CD28: variants seen among roughly 807,000 people sequenced by gnomAD.
CD28 encodes T-cell-specific surface glycoprotein CD28.
A neutral mutation model predicts 21.4 loss-of-function variants in CD28; 8 were observed. That is an observed-to-expected ratio of 0.37 (90% CI 0.22 to 0.68). The LOEUF is 0.68. Ranked by LOEUF, CD28 falls within the 30% of genes least tolerant of loss-of-function variation. The probability of loss-of-function intolerance (pLI) is 0.55; values close to 1 mark genes in which losing one functional copy is unlikely to be tolerated. For missense variants in CD28, 239 were observed against 272.2 expected (o/e 0.88, Z 0.86); for synonymous variants, 106 against 104.0 (o/e 1.02, Z -0.12).
chr2:203,717,996 C>T (rs1693505610), intron 1 of CD28, among the ~76,000 whole-genome samples: 1 of 152,092 alleles, frequency 6.6e-6, no homozygotes, highest in Non-Finnish European at 1.5e-5. Context: ...TTCATTTTAA[C>T]ATGAATTTCT....
intron 1 of CD28, among the ~76,000 whole-genome samples, chr2:203,722,654 A>G (rs1693632710): frequency 6.6e-6 from 1 of 152,244 alleles, no homozygotes; most frequent in Admixed American, 6.5e-5. Context: ...AGGGAAATGC[A>G]CATGAATCCA....
At chr2:203,724,941 G>T (rs975935319) in intron 1 of CD28, among the ~76,000 whole-genome samples, 1 of 152,120 alleles carries the variant, frequency 6.6e-6, no homozygotes, top group Non-Finnish European at 1.5e-5. Flanking sequence ...GCAAAAAAAT[G>T]CTTTTGTTTG....
intron 3 of CD28, 88 bp from the exon 4 acceptor site, chr2:203,734,696 C>T: frequency 6.7e-7 from 1 of 1,494,036 alleles, no homozygotes. Context: ...TGTCATTTGA[C>T]AGTTAATATT....
rs1038569107 is a variant in CD28, at chr2:203,736,833, T to C, written c.*1921T>C. The C allele has an allele frequency of 6.6e-6, 1 of 152,246 alleles. No homozygotes were observed. The highest frequency in any genetic ancestry group is 2.4e-5 in the African/African-American group (1 of 41,468). 9.4% of individuals were successfully genotyped at this position (152,246 alleles called of 1,614,324 possible). A position where few individuals can be genotyped will look rare whatever the true frequency, so the allele number is the denominator to read the frequency against. On this transcript the variant is annotated 3_prime_UTR_variant, in exon 4 of 4. Coordinates refer to ENST00000324106, the MANE Select transcript of CD28 (RefSeq NM_006139.4). ...GTCTCTTCCTATAGTATAATCTCCA[T>C]AAGGGCATGGCCCAAGTCTGTCTTT...
At chr2:203,733,013 T>C (rs1327593575) in intron 3 of CD28, among the ~76,000 whole-genome samples, 2 of 152,186 alleles carry the variant, frequency 1.3e-5, no homozygotes, top group Non-Finnish European at 2.9e-5. Context: ...GGCTGACACT[T>C]GGAGGTTTGG....
intron 1 of CD28, among the ~76,000 whole-genome samples, chr2:203,715,579 G>T (rs561093350): frequency 8.5e-5 from 13 of 152,150 alleles, no homozygotes; most frequent in African/African-American, 3.1e-4. Flanking sequence ...GGTAGGGATG[G>T]GTTACAGCAC....
At position 203,736,762 on chromosome 2, in the gene CD28, A is replaced by C. The variant is rs1694046822; in HGVS notation, c.*1850A>C. ...GCCTCAGGCAAGTCACTGCCCACCT[A>C]AGATGATGGTTCTTCAACTATAAAA... On this transcript the variant is annotated 3_prime_UTR_variant, in exon 4 of 4. Transcript: ENST00000324106. The C allele has an allele frequency of 6.6e-6, 1 of 152,204 alleles. No homozygotes were observed. Among genetic ancestry groups the C allele is most frequent in the East Asian group, 1.9e-4 (1 of 5,194 alleles). The allele number at this position is 152,204 out of a possible 1,614,324, so 9.4% of individuals were successfully genotyped here.
chr2:203,720,631 T>G (rs1693582511), intron 1 of CD28, among the ~76,000 whole-genome samples: 1 of 152,218 alleles, frequency 6.6e-6, no homozygotes, highest in Non-Finnish European at 1.5e-5. Flanking sequence ...ATTTGTAATA[T>G]GTCCTTACAT....
At chr2:203,712,019 C>T (rs1411229512) in intron 1 of CD28, among the ~76,000 whole-genome samples, 2 of 151,984 alleles carry the variant, frequency 1.3e-5, no homozygotes, top group African/African-American at 4.8e-5. Context: ...TGGTGAAACC[C>T]CATCTCTACT....
At position 203,734,853 on chromosome 2, in the gene CD28, A is replaced by G; in HGVS notation, c.604A>G (p.Thr202Ala). The G allele has an allele frequency of 1.9e-6, 3 of 1,614,052 alleles. No individual in the cohort carries two copies. The highest frequency in any genetic ancestry group is 2.5e-6 in the Non-Finnish European group (3 of 1,180,020). ...CATGACTCCCCGCCGCCCCGGGCCC[A>G]CCCGCAAGCATTACCAGCCCTATGC... Reference protein sequence around the residue: ...MNMTPRRPGPTRKHYQPYAPP... With the variant: ...MNMTPRRPGPARKHYQPYAPP... The change falls in exon 4 of 4, where the codon ACC becomes GCC. Residue 202 changes from threonine to alanine, a missense_variant. Transcript: ENST00000324106.
At chr2:203,729,870 T>C (rs770988974) in intron 3 of CD28, 98 bp downstream of exon 3, 112 of 1,214,046 alleles carry the variant, frequency 9.2e-5, no homozygotes, top group Non-Finnish European at 1.3e-4. Context: ...TTCTGTTTAA[T>C]ATAGGATGAT....
chr2:203,711,766 G>A (rs965062744), intron 1 of CD28, among the ~76,000 whole-genome samples: 18 of 152,086 alleles, frequency 1.2e-4, no homozygotes, highest in Admixed American at 1.0e-3. Context: ...CCACCTCCTC[G>A]AAGAAGCTTC....
rs1694002236 is a variant in CD28 at position 203,735,268 on chromosome 2, G to A, written c.*356G>A. 4.5e-6 allele frequency: 1 copy of A among 223,838 alleles called. No individual in the cohort carries two copies. The highest frequency in any genetic ancestry group is 5.3e-5 in the Admixed American group (1 of 18,718). 13.9% of individuals were successfully genotyped at this position (223,838 alleles called of 1,614,324 possible). A position where few individuals can be genotyped will look rare whatever the true frequency, so the allele number is the denominator to read the frequency against. ...GCACATCTCAGTCAAGCAAAGTGTGGTATCCACAGACATTTTAGTTGCAGA... is the reference window on the plus strand; with the variant it reads ...GCACATCTCAGTCAAGCAAAGTGTGATATCCACAGACATTTTAGTTGCAGA... On this transcript the variant is annotated 3_prime_UTR_variant, in exon 4 of 4. Coordinates refer to ENST00000324106, the MANE Select transcript of CD28 (RefSeq NM_006139.4).
chr2:203,735,239 A>G lies in CD28; in HGVS notation c.*327A>G, dbSNP rs200532388. On this transcript the variant is annotated 3_prime_UTR_variant, in exon 4 of 4. Coordinates refer to ENST00000324106, the MANE Select transcript of CD28 (RefSeq NM_006139.4). ...TGGGAGCCTCTTCCCTTTCTCACTC[A>G]CCTGCACATCTCAGTCAAGCAAAGT... 3.4e-6 allele frequency: 1 copy of G among 293,926 alleles called. No individual in the cohort carries two copies. Among genetic ancestry groups the G allele is most frequent in the Non-Finnish European group, 6.4e-6 (1 of 157,326 alleles). 18.2% of individuals were successfully genotyped at this position (293,926 alleles called of 1,614,324 possible).
intron 1 of CD28, among the ~76,000 whole-genome samples, chr2:203,717,205 T>C (rs1693483617): frequency 6.6e-6 from 1 of 152,226 alleles, no homozygotes; most frequent in African/African-American, 2.4e-5. Context: ...TATAATCATT[T>C]GTCCTTGTTC....
At chr2:203,732,672 C>T (rs1389281648) in intron 3 of CD28, among the ~76,000 whole-genome samples, 3 of 152,144 alleles carry the variant, frequency 2.0e-5, no homozygotes, top group Non-Finnish European at 4.4e-5. Context: ...CTGACATTCA[C>T]TGTTGAAGGG....
In CD28 at chr2:203,706,641, A is replaced by G; in HGVS notation, c.-56A>G. On this transcript the variant is annotated 5_prime_UTR_variant, in exon 1 of 4. Transcript: ENST00000324106. Reference sequence around the variant, plus strand: ...AGGTGCGTCTTTCAGTTCCCCTCACACTTCGGGTTCCTCGGGGAGGAGGGG... The same window carrying G: ...AGGTGCGTCTTTCAGTTCCCCTCACGCTTCGGGTTCCTCGGGGAGGAGGGG... 2.5e-6 allele frequency: 4 copies of G among 1,613,792 alleles called. No individual in the cohort carries two copies. Among genetic ancestry groups the G allele is most frequent in the African/African-American group, 1.3e-5 (1 of 74,980 alleles).
chr2:203,716,876 G>T (rs1581503815), intron 1 of CD28, among the ~76,000 whole-genome samples: 1 of 152,114 alleles, frequency 6.6e-6, no homozygotes, highest in East Asian at 1.9e-4. Flanking sequence ...TGTTGCTCAG[G>T]CTGGAGTGCA....
intron 1 of CD28, among the ~76,000 whole-genome samples, chr2:203,722,679 G>A (rs1693633401): frequency 6.6e-6 from 1 of 152,208 alleles, no homozygotes; most frequent in African/African-American, 2.4e-5. Flanking sequence ...TAAGCAAATT[G>A]AAGCATGTGA....
Sources: gnomAD v4.1 joint callset for allele counts (sites outside exome capture counted in the v4.1 genomes callset) on GRCh38, gnomAD v4.1.1 for gene constraint, MANE v1.5 for transcripts, NCBI Gene and HGNC (gene_info 2026-07-23, HGNC 2026-07-21) for gene names.